Variants in HACE1 observed in about 807,000 individuals in gnomAD.
The protein encoded by HACE1 is HECT domain and ankyrin repeat containing E3 ubiquitin protein ligase 1.
HACE1 carries 73 observed loss-of-function variants against 118.4 expected under a neutral mutation model. That is an observed-to-expected ratio of 0.62 (90% confidence interval 0.51 to 0.75). The LOEUF is 0.75. Ranked by LOEUF, HACE1 falls within the 30% of genes least tolerant of loss-of-function variation. The pLI is 0.00. For synonymous variants in HACE1, 368 were observed against 374.8 expected, an observed-to-expected ratio of 0.98 and a Z score of 0.21; for missense variants, 749 against 1,102.2, an observed-to-expected ratio of 0.68 and a Z score of 4.54.
At chr6:104,733,402 C>T (rs1775420598) in intron 22 of HACE1, among the ~76,000 whole-genome samples, 1 of 152,016 alleles carries the variant, frequency 6.6e-6, no homozygotes, top group Non-Finnish European at 1.5e-5. Flanking sequence ...TGGCCCCATA[C>T]TTATATAATC....
intron 22 of HACE1, among the ~76,000 whole-genome samples, chr6:104,742,992 A>G (rs1776951178): frequency 6.6e-6 from 1 of 152,152 alleles, no homozygotes; most frequent in Non-Finnish European, 1.5e-5. Flanking sequence ...ATAAAAAATG[A>G]TGAGTTCATG....
chr6:104,846,324 TTC>T (rs1775668707), intron 4 of HACE1, among the ~76,000 whole-genome samples: 1 of 152,002 alleles, frequency 6.6e-6, no homozygotes. Flanking sequence ...AGAAAAACTC[TTC>T]TTTCAAAACT....
chr6:104,741,189 C>A (rs1776634941), intron 22 of HACE1, among the ~76,000 whole-genome samples: 1 of 110,946 alleles, frequency 9.0e-6, no homozygotes, highest in South Asian at 2.7e-4. Context: ...TATGACAAAC[C>A]CACAGCCAAT....
In HACE1 at chr6:104,815,371, T is replaced by A. The variant is rs1158231599; in HGVS notation, c.535-3978A>T. Among the ~76,000 whole-genome samples the A allele has an allele frequency of 1.6e-5, 2 of 124,644 alleles. 1 individual carries two copies. The highest frequency in any genetic ancestry group is 6.4e-5 in the African/African-American group (2 of 31,086). 81.8% of individuals were successfully genotyped at this position (124,644 alleles called of 152,430 possible). ...GAATTAGGGTATCTGGTGGAAGAAATTTTTTTTTTTTTTTGACACAAAGTC... is the reference window on the plus strand; with the variant it reads ...GAATTAGGGTATCTGGTGGAAGAAAATTTTTTTTTTTTTTGACACAAAGTC... On this transcript the variant is annotated intron_variant, in intron 6 of 23. Transcript: ENST00000262903.
At position 104,730,773 on chromosome 6, in the gene HACE1, C is replaced by T. The variant is rs568594682; in HGVS notation, c.2514-357G>A. On this transcript the variant is annotated intron_variant, in intron 22 of 23. Coordinates refer to ENST00000262903, the MANE Select transcript of HACE1 (RefSeq NM_020771.4). ...AAACAAGTCATATTTACATCTATAT[C>T]CCTGGGGCTAGCAAAATGCCTGGAG... 6.3e-4 allele frequency: 159 copies of T among 252,498 alleles called. 1 individual carries two copies. Among genetic ancestry groups the T allele is most frequent in the African/African-American group, 3.5e-3 (156 of 44,784 alleles). 15.6% of individuals were successfully genotyped at this position (252,498 alleles called of 1,614,324 possible). A position where few individuals can be genotyped will look rare whatever the true frequency, so the allele number is the denominator to read the frequency against.
Position 104,814,303 on chromosome 6 carries a change from T to G in HACE1, c.535-2910A>C, listed in dbSNP as rs531514537. On this transcript the variant is annotated intron_variant, in intron 6 of 23. Coordinates refer to ENST00000262903, the MANE Select transcript of HACE1 (RefSeq NM_020771.4). ...TGAAATTTCATGATAACATCAGGGA[T>G]AAGAGATTCCAGAGATAAACAGAAA... Among the ~76,000 whole-genome samples, 2 of 137,324 alleles carry G rather than the reference T, an allele frequency of 1.5e-5. 1 individual carries two copies. Among genetic ancestry groups the G allele is most frequent in the East Asian group, 4.3e-4 (2 of 4,604 alleles). The allele number at this position is 137,324 out of a possible 152,430, so 90.1% of individuals were successfully genotyped here. A position where few individuals can be genotyped will look rare whatever the true frequency, so the allele number is the denominator to read the frequency against.
intron 6 of HACE1, among the ~76,000 whole-genome samples, chr6:104,812,713 A>G (rs952311619): frequency 4.6e-5 from 7 of 152,184 alleles, no homozygotes; most frequent in Non-Finnish European, 7.4e-5. Flanking sequence ...GATTCCAACA[A>G]TAAGCAACTC....
chr6:104,744,126 A>G (rs1359317060), intron 22 of HACE1, 34 bp downstream of exon 22: 2 of 1,230,716 alleles, frequency 1.6e-6, no homozygotes, highest in East Asian at 2.3e-5. Context: ...AATACATTAA[A>G]TTATTTCCAT....
intron 19 of HACE1, among the ~76,000 whole-genome samples, chr6:104,762,569 G>A (rs1456194531): frequency 1.4e-4 from 21 of 152,072 alleles, no homozygotes; most frequent in Admixed American, 1.3e-3. Flanking sequence ...GGCTAGAGGA[G>A]GGATAACATT....
At chr6:104,810,489 C>T (rs1185011275) in intron 7 of HACE1, among the ~76,000 whole-genome samples, 1 of 151,978 alleles carries the variant, frequency 6.6e-6, no homozygotes, top group Non-Finnish European at 1.5e-5. Context: ...ATAAATATTA[C>T]AATTCATATA....
chr6:104,856,044 T>C (rs1478442169), intron 1 of HACE1, among the ~76,000 whole-genome samples: 3 of 152,320 alleles, frequency 2.0e-5, no homozygotes, highest in Non-Finnish European at 2.9e-5. Flanking sequence ...AGAAGAAGAC[T>C]ATCCAAGAAA....
chr6:104,785,246 C>CTTTT lies in HACE1; in HGVS notation c.1144_1147dup (p.Arg383LysfsTer28). On this transcript the variant is annotated frameshift_variant, in exon 12 of 24. Coordinates refer to ENST00000262903, the MANE Select transcript of HACE1 (RefSeq NM_020771.4). LOFTEE classifies it high-confidence loss of function. ...AATAGAAGTGATCTCTGTTGAGTCT[C>CTTTT]TTTTGTTTTTCATCAATTCTGTGGC... 1 of 1,612,870 alleles carries CTTTT rather than the reference C, an allele frequency of 6.2e-7. No homozygotes were observed.
At chr6:104,814,279 G>T (rs1385550390) in intron 6 of HACE1, among the ~76,000 whole-genome samples, 2 of 137,164 alleles carry the variant, frequency 1.5e-5, no homozygotes, top group African/African-American at 5.9e-5. Flanking sequence ...ATGTCAAAGT[G>T]AAATTTCATG....
rs185353401 is a variant in HACE1, at chr6:104,818,022, A to C, written c.535-6629T>G. ...CTTAACAAAGAGGAAGGGTGGTTTAAGGGACTAGCATTCTTATCAGAAGAT... is the reference window on the plus strand; with the variant it reads ...CTTAACAAAGAGGAAGGGTGGTTTACGGGACTAGCATTCTTATCAGAAGAT... On this transcript the variant is annotated intron_variant, in intron 6 of 23. Coordinates refer to ENST00000262903, the MANE Select transcript of HACE1 (RefSeq NM_020771.4). Among the ~76,000 whole-genome samples, 403 of 152,312 alleles carry C rather than the reference A, an allele frequency of 2.6e-3. 2 individuals carry two copies. The highest frequency in any genetic ancestry group is 4.4e-3 in the Non-Finnish European group (302 of 68,016).
At chr6:104,808,453 C>T (rs1771258676) in intron 7 of HACE1, among the ~76,000 whole-genome samples, 2 of 152,252 alleles carry the variant, frequency 1.3e-5, no homozygotes, top group South Asian at 4.1e-4. Flanking sequence ...CTTCAGGGAT[C>T]AAGAATTTTG....
intron 1 of HACE1, among the ~76,000 whole-genome samples, chr6:104,857,164 T>C (rs116187646): frequency 0.016 from 2,439 of 147,866 alleles, 79 homozygotes; most frequent in African/African-American, 0.057. Flanking sequence ...TATTTACATA[T>C]ATATATTTAT....
intron 19 of HACE1, among the ~76,000 whole-genome samples, chr6:104,757,151 A>C (rs1025834313): frequency 1.3e-4 from 20 of 152,180 alleles, no homozygotes; most frequent in African/African-American, 4.8e-4. Flanking sequence ...CCTGAACAAA[A>C]GGCAGCAGAC....
chr6:104,791,801 A>G, intron 10 of HACE1, 147 bp from the exon 11 acceptor site: 6 of 612,734 alleles, frequency 9.8e-6, no homozygotes, highest in Non-Finnish European at 1.7e-5. Flanking sequence ...GATAGGAGAT[A>G]GAACAGTTTA....
intron 11 of HACE1, 23 bp downstream of exon 11, chr6:104,791,481 A>C: frequency 6.3e-7 from 1 of 1,591,156 alleles, no homozygotes; most frequent in Non-Finnish European, 8.6e-7. Context: ...TATCTTCCTA[A>C]CAATGCCATA....
Sources: allele counts gnomAD v4.1 joint callset (sites outside exome capture counted in the v4.1 genomes callset), GRCh38; gene constraint gnomAD v4.1.1; transcripts MANE v1.5; gene names NCBI Gene and HGNC (gene_info 2026-07-23, HGNC 2026-07-21).